DPP6: variants seen among roughly 807,000 people sequenced by gnomAD.
DPP6 encodes A-type potassium channel modulatory protein DPP6.
DPP6 carries 69 observed loss-of-function variants against 122.6 expected under a neutral mutation model. The observed-to-expected ratio is 0.56, with a 90% CI of 0.46 to 0.69. The LOEUF (loss-of-function observed/expected upper bound fraction) is 0.69. DPP6 is among the 30% of genes least tolerant of loss of function. The pLI, the probability that DPP6 is intolerant of heterozygous loss-of-function variation, is 0.00. For synonymous variants in DPP6, 418 were observed against 433.1 expected (o/e 0.97, Z 0.43); for missense variants, 928 against 1,116.9 (o/e 0.83, Z 2.41).
chr7:154,478,959 T>TTTG (rs1036255760), intron 3 of DPP6, among the ~76,000 whole-genome samples: 16 of 150,128 alleles, frequency 1.1e-4, no homozygotes, highest in African/African-American at 3.5e-4. Context: ...TTTTTGTTTG[T>TTTG]TTGTTTGTTT....
At chr7:154,583,566 C>A (rs1832227334) in intron 5 of DPP6, among the ~76,000 whole-genome samples, 1 of 152,208 alleles carries the variant, frequency 6.6e-6, no homozygotes, top group Admixed American at 6.5e-5. Flanking sequence ...TCGGCTGCTG[C>A]CACCCAAAAC....
At chr7:154,421,010 G>A (rs181315228) in intron 1 of DPP6, among the ~76,000 whole-genome samples, 9 of 152,098 alleles carry the variant, frequency 5.9e-5, no homozygotes, top group African/African-American at 2.2e-4. Context: ...ATAAAATAAG[G>A]CAAAGTTTAA....
At chr7:153,991,811 C>T (rs537835565) in intron 1 of DPP6, among the ~76,000 whole-genome samples, 8 of 152,198 alleles carry the variant, frequency 5.3e-5, no homozygotes, top group African/African-American at 1.9e-4. Context: ...ACCTTACTCT[C>T]AGTCCTTCCC....
chr7:153,984,308 C>A (rs1447556007), intron 1 of DPP6, among the ~76,000 whole-genome samples: 1 of 152,092 alleles, frequency 6.6e-6, no homozygotes, highest in African/African-American at 2.4e-5. Flanking sequence ...GTTCAAGAAA[C>A]CTTTATTGCA....
chr7:154,151,778 C>T (rs1250522533), intron 1 of DPP6, among the ~76,000 whole-genome samples: 1 of 152,000 alleles, frequency 6.6e-6, no homozygotes, highest in African/African-American at 2.4e-5. Context: ...CTCCTATTAA[C>T]ATCATGCTCC....
At chr7:153,894,514 A>G (rs901359082) in intron 1 of DPP6, among the ~76,000 whole-genome samples, 1 of 152,206 alleles carries the variant, frequency 6.6e-6, no homozygotes, top group Non-Finnish European at 1.5e-5. Context: ...TAGAAGTTTC[A>G]AAAACCCATC....
Position 154,100,201 on chromosome 7 carries a change from TTTTA to T in DPP6, c.243+47150_243+47153del, listed in dbSNP as rs562558494. Among the ~76,000 whole-genome samples, 526 of 108,026 alleles carry T rather than the reference TTTTA, an allele frequency of 4.9e-3. 112 individuals carry two copies. The highest frequency in any genetic ancestry group is 8.1e-3 in the Non-Finnish European group (435 of 53,772). The allele number at this position is 108,026 out of a possible 152,430, so 70.9% of individuals were successfully genotyped here. A position where few individuals can be genotyped will look rare whatever the true frequency, so the allele number is the denominator to read the frequency against. The stretch of plus-strand genomic sequence containing the variant: ...CCAGAGTAGAAGTGGGAGTTTTATT[TTTTA>T]TTTATTTATTTTATTTTTTACCAGA... On this transcript the variant is annotated intron_variant, in intron 1 of 25. Transcript: ENST00000377770.
At chr7:154,656,051 G>A (rs1301817543) in intron 6 of DPP6, among the ~76,000 whole-genome samples, 2 of 151,824 alleles carry the variant, frequency 1.3e-5, no homozygotes, top group Non-Finnish European at 2.9e-5. Context: ...GGACACAGTT[G>A]AAATGACAGT....
chr7:154,720,138 G>C (rs949751452), intron 7 of DPP6, among the ~76,000 whole-genome samples: 2 of 152,220 alleles, frequency 1.3e-5, no homozygotes, highest in African/African-American at 2.4e-5. Context: ...GCTTACAAGA[G>C]GGCAGGATCT....
intron 2 of DPP6, among the ~76,000 whole-genome samples, chr7:154,459,066 T>C (rs1821043319): frequency 6.6e-6 from 1 of 152,034 alleles, no homozygotes; most frequent in Non-Finnish European, 1.5e-5. Flanking sequence ...TTACATACAT[T>C]CAATTAAACA....
intron 13 of DPP6, 76 bp from the exon 14 acceptor site, chr7:154,803,788 A>C (rs1798523327): frequency 6.5e-7 from 1 of 1,535,790 alleles, no homozygotes; most frequent in African/African-American, 1.4e-5. Context: ...GGTGTCCAAA[A>C]CAGTTGGAGG....
chr7:153,925,970 C>T (rs10155810), intron 1 of DPP6, among the ~76,000 whole-genome samples: 44,827 of 151,978 alleles, frequency 0.29, 7,737 homozygotes, highest in East Asian at 0.64. Flanking sequence ...TGATTCCTGC[C>T]GACCACAGCA....
intron 4 of DPP6, among the ~76,000 whole-genome samples, chr7:154,541,486 T>C (rs1004924068): frequency 1.3e-5 from 2 of 152,180 alleles, no homozygotes; most frequent in African/African-American, 4.8e-5. Flanking sequence ...GTTAAAGATA[T>C]GTATTAGAAA....
chr7:154,487,753 A>G (rs1232244364), intron 3 of DPP6, among the ~76,000 whole-genome samples: 1 of 152,226 alleles, frequency 6.6e-6, no homozygotes, highest in Non-Finnish European at 1.5e-5. Context: ...AAATTACTTC[A>G]CAGAGTCCTT....
At chr7:154,868,231 C>T (rs139147989) in intron 18 of DPP6, 138 bp downstream of exon 18, 1 of 1,206,380 alleles carries the variant, frequency 8.3e-7, no homozygotes, top group East Asian at 2.6e-5. Flanking sequence ...CTCAGCTCCT[C>T]TGGCATGGAG....
intron 4 of DPP6, among the ~76,000 whole-genome samples, chr7:154,546,510 C>A (rs921753850): frequency 6.1e-4 from 90 of 147,698 alleles, no homozygotes; most frequent in African/African-American, 2.0e-3. Context: ...AAAAAGTATT[C>A]TATTGTTATG....
chr7:153,807,277 G>A, the DPP6 span, among the ~76,000 whole-genome samples: 1 of 151,642 alleles, frequency 6.6e-6, no homozygotes, highest in African/African-American at 2.4e-5. Flanking sequence ...GCCAGGCATG[G>A]TGGCAGGCCC....
intron 4 of DPP6, among the ~76,000 whole-genome samples, chr7:154,555,994 A>C (rs998746677): frequency 2.6e-5 from 4 of 152,176 alleles, no homozygotes; most frequent in Admixed American, 2.0e-4. Flanking sequence ...TTTAGTGTAA[A>C]CATTTTGCAA....
chr7:154,639,659 T>G (rs756288407), intron 6 of DPP6, among the ~76,000 whole-genome samples: 1 of 152,180 alleles, frequency 6.6e-6, no homozygotes, highest in Non-Finnish European at 1.5e-5. Context: ...GCTCAGGCCA[T>G]GATAGTCTGT....
Sources: gnomAD v4.1 joint callset for allele counts (sites outside exome capture counted in the v4.1 genomes callset) on GRCh38, gnomAD v4.1.1 for gene constraint, MANE v1.5 for transcripts, NCBI Gene and HGNC (gene_info 2026-07-23, HGNC 2026-07-21) for gene names.